Variants in KAZN observed in about 807,000 individuals in gnomAD.
KAZN encodes kazrin.
Under a neutral mutation model 87.4 loss-of-function variants are expected in KAZN, and 40 were observed. The observed-to-expected ratio is 0.46, with a 90% CI of 0.36 to 0.60. The LOEUF (loss-of-function observed/expected upper bound fraction) is 0.60. Among genes scored for constraint, KAZN ranks in the 20% least tolerant of loss-of-function variants. The probability of loss-of-function intolerance (pLI) is 0.00; values close to 1 mark genes in which losing one functional copy is unlikely to be tolerated. For missense variants in KAZN, 898 were observed against 1,073.9 expected, an observed-to-expected ratio of 0.84 and a Z score of 2.29; for synonymous variants, 466 against 458.3, an observed-to-expected ratio of 1.02 and a Z score of -0.22.
intron 1 of KAZN, among the ~76,000 whole-genome samples, chr1:14,817,419 T>C (rs1030986252): frequency 3.3e-5 from 5 of 152,186 alleles, no homozygotes; most frequent in Admixed American, 1.3e-4. Context: ...GACATAGCTC[T>C]GTCTTCCCGC....
chr1:14,367,553 C>T (rs1660116883), intron 2 of KAZN, among the ~76,000 whole-genome samples: 1 of 152,088 alleles, frequency 6.6e-6, no homozygotes, highest in South Asian at 2.1e-4. Context: ...GACCATGGTC[C>T]CAGGCTTGAG....
intron 2 of KAZN, chr1:14,304,470 A>G (rs1289000641): frequency 5.1e-6 from 2 of 395,360 alleles, no homozygotes; most frequent in Non-Finnish European, 8.9e-6. Flanking sequence ...AGGTCTGACT[A>G]TCTTCACTAA....
At chr1:14,037,381 G>C (rs775984928) in intron 1 of KAZN, among the ~76,000 whole-genome samples, 1 of 152,178 alleles carries the variant, frequency 6.6e-6, no homozygotes, top group Non-Finnish European at 1.5e-5. Flanking sequence ...TCCCCTACCA[G>C]TGTAGAAACA....
At chr1:14,576,327 T>TGGACGGAC (rs1409699072) in intron 2 of KAZN, among the ~76,000 whole-genome samples, 2 of 148,970 alleles carry the variant, frequency 1.3e-5, no homozygotes, top group Non-Finnish European at 3.0e-5. Flanking sequence ...GATGGATGGA[T>TGGACGGAC]GGATGGACGG....
chr1:14,347,387 A>G (rs1435390122), intron 2 of KAZN, among the ~76,000 whole-genome samples: 1 of 152,198 alleles, frequency 6.6e-6, no homozygotes, highest in Non-Finnish European at 1.5e-5. Context: ...CTGCCCTACC[A>G]GAAAATGGTG....
At chr1:14,548,867 T>C (rs1368611352) in intron 2 of KAZN, among the ~76,000 whole-genome samples, 4 of 152,272 alleles carry the variant, frequency 2.6e-5, no homozygotes, top group African/African-American at 9.6e-5. Context: ...TGTTAAGATA[T>C]TAGCTCCTTT....
intron 3 of KAZN, among the ~76,000 whole-genome samples, chr1:15,039,675 G>C (rs1672698402): frequency 6.6e-6 from 1 of 152,200 alleles, no homozygotes; most frequent in African/African-American, 2.4e-5. Context: ...TATCAGATCA[G>C]AGTAATTAAC....
intron 2 of KAZN, among the ~76,000 whole-genome samples, chr1:14,567,434 C>T (rs906959976): frequency 1.3e-5 from 2 of 152,244 alleles, no homozygotes; most frequent in Non-Finnish European, 2.9e-5. Context: ...AAAATCACCA[C>T]AATGTGATAC....
At chr1:15,045,723 G>A (rs1299940779) in intron 4 of KAZN, among the ~76,000 whole-genome samples, 8 of 152,158 alleles carry the variant, frequency 5.3e-5, no homozygotes, top group South Asian at 2.1e-4. Context: ...TAATCATGGC[G>A]GAAGGCAAAG....
At chr1:13,966,070 G>A (rs1211566637) in intron 1 of KAZN, among the ~76,000 whole-genome samples, 2 of 152,064 alleles carry the variant, frequency 1.3e-5, no homozygotes, top group African/African-American at 2.4e-5. Context: ...CATCAGACCC[G>A]TAACACCGAG....
At chr1:15,110,256 C>T (rs1344006939) in intron 13 of KAZN, among the ~76,000 whole-genome samples, 1 of 39,034 alleles carries the variant, frequency 2.6e-5, no homozygotes, top group East Asian at 9.4e-4. Context: ...TGTGTATGTG[C>T]ACTTGTGTGT....
At chr1:14,332,687 T>G (rs1227892135) in intron 2 of KAZN, among the ~76,000 whole-genome samples, 1 of 152,132 alleles carries the variant, frequency 6.6e-6, no homozygotes, top group African/African-American at 2.4e-5. Context: ...AGACTTGGAC[T>G]CCAACATCTG....
At chr1:14,909,082 A>T (rs1656936170) in intron 1 of KAZN, among the ~76,000 whole-genome samples, 1 of 152,226 alleles carries the variant, frequency 6.6e-6, no homozygotes, top group South Asian at 2.1e-4. Context: ...GAACATTAAA[A>T]GGGATTTTCC....
rs529629836 is a variant in KAZN at position 14,601,248 on chromosome 1, A to C, written c.226+2025A>C. ...GGCACTTTGTGATTTTTATAATCAG[A>C]AAATAAAATGTTCAAAGGTTTAAAC... On this transcript the variant is annotated intron_variant, in intron 1 of 14. Transcript: ENST00000376030. Among the ~76,000 whole-genome samples, 170 of 152,330 alleles carry C rather than the reference A, an allele frequency of 1.1e-3. 2 individuals are homozygous for C. The highest frequency in any genetic ancestry group is 3.9e-3 in the African/African-American group (164 of 41,570).
At chr1:14,091,773 A>G (rs981306746) in intron 1 of KAZN, among the ~76,000 whole-genome samples, 3 of 152,204 alleles carry the variant, frequency 2.0e-5, no homozygotes, top group Non-Finnish European at 4.4e-5. Context: ...GAGGTATAAA[A>G]TAATTCCAAA....
chr1:14,302,011 T>C (rs2100782559), intron 2 of KAZN, among the ~76,000 whole-genome samples: 1 of 152,344 alleles, frequency 6.6e-6, no homozygotes, highest in East Asian at 1.9e-4. Context: ...TAACTGAGGT[T>C]TTCCTCTTCA....
chr1:15,105,338 C>T (rs558293710), intron 13 of KAZN, among the ~76,000 whole-genome samples: 13 of 152,320 alleles, frequency 8.5e-5, no homozygotes, highest in African/African-American at 3.1e-4. Flanking sequence ...TCAATCTCTT[C>T]ACTTGTTAGA....
At chr1:14,069,662 A>G (rs1643163047) in intron 1 of KAZN, among the ~76,000 whole-genome samples, 1 of 152,194 alleles carries the variant, frequency 6.6e-6, no homozygotes, top group Non-Finnish European at 1.5e-5. Context: ...TAGCGTACTC[A>G]TCTTCTTTTA....
chr1:14,255,447 T>C (rs976164334), intron 2 of KAZN, among the ~76,000 whole-genome samples: 2 of 152,204 alleles, frequency 1.3e-5, no homozygotes, highest in Non-Finnish European at 1.5e-5. Context: ...TAGTCAAATA[T>C]AGTCAGCCCA....
Sources: gnomAD v4.1 joint callset for allele counts (sites outside exome capture counted in the v4.1 genomes callset) on GRCh38, gnomAD v4.1.1 for gene constraint, MANE v1.5 for transcripts, NCBI Gene and HGNC (gene_info 2026-07-23, HGNC 2026-07-21) for gene names.